Variants in METTL8 observed in about 807,000 individuals in gnomAD.
METTL8 encodes tRNA N(3)-cytidine methyltransferase METTL8, mitochondrial.
In METTL8, 32 loss-of-function variants were observed where a neutral mutation model predicts 48.7. The observed-to-expected ratio is 0.66, with a 90% CI of 0.50 to 0.88. The LOEUF (loss-of-function observed/expected upper bound fraction) is 0.88, where lower values mean the gene tolerates loss of function less well. METTL8 is among the 40% of genes least tolerant of loss of function. METTL8 has a pLI of 0.00. For synonymous variants in METTL8, 136 were observed against 157.1 expected (o/e 0.87, Z 1.01); for missense variants, 464 against 474.4 (o/e 0.98, Z 0.20).
intron 2 of METTL8, among the ~76,000 whole-genome samples, chr2:171,363,817 T>TATATATATATATATGTA (rs1228494441): frequency 2.3e-5 from 3 of 129,006 alleles, no homozygotes; most frequent in Non-Finnish European, 5.0e-5. Context: ...TATATATATC[T>TATATATATATATATGTA]TTTTTTTTTT....
intron 1 of METTL8, among the ~76,000 whole-genome samples, chr2:171,423,319 G>C (rs1692065868): frequency 6.6e-6 from 1 of 152,160 alleles, no homozygotes; most frequent in Non-Finnish European, 1.5e-5. Flanking sequence ...GGGTGCTGCT[G>C]TAAAGATACC....
chr2:171,328,500 G>C (rs1454320625), intron 7 of METTL8, among the ~76,000 whole-genome samples: 1 of 151,986 alleles, frequency 6.6e-6, no homozygotes, highest in Non-Finnish European at 1.5e-5. Flanking sequence ...TATAGACATT[G>C]CCTTGGTTTT....
chr2:171,409,272 T>TA (rs1211896311), intron 1 of METTL8, among the ~76,000 whole-genome samples: 1 of 152,110 alleles, frequency 6.6e-6, no homozygotes, highest in Non-Finnish European at 1.5e-5. Context: ...ACAAAGTTCT[T>TA]ACAAAGAAAA....
At position 171,316,550 on chromosome 2, in the gene METTL8, A is replaced by C. The variant is rs1430017551; in HGVS notation, c.*7622T>G. 1.3e-5 allele frequency among the ~76,000 whole-genome samples: 2 copies of C among 152,236 alleles called. No homozygotes were observed. Among genetic ancestry groups the C allele is most frequent in the Admixed American group, 1.3e-4 (2 of 15,282 alleles). The stretch of plus-strand genomic sequence containing the variant: ...TCCAGAGCCCAGGTGTTCTATTAAG[A>C]AACAAAGCTGCAAATGAAGAGACAT... On this transcript the variant is annotated 3_prime_UTR_variant, in exon 10 of 10. Coordinates refer to ENST00000375258, the MANE Select transcript of METTL8 (RefSeq NM_001321154.2).
intron 2 of METTL8, among the ~76,000 whole-genome samples, chr2:171,363,377 T>C (rs1033647744): frequency 1.3e-5 from 2 of 152,046 alleles, no homozygotes; most frequent in Non-Finnish European, 2.9e-5. Flanking sequence ...CAGCTGACAA[T>C]AAGAATCATA....
At chr2:171,393,785 C>T (rs1197830454) in intron 1 of METTL8, among the ~76,000 whole-genome samples, 2 of 152,066 alleles carry the variant, frequency 1.3e-5, no homozygotes, top group Non-Finnish European at 2.9e-5. Context: ...CACTCTTTAC[C>T]ACCCTACTGA....
chr2:171,409,505 TCTTA>T (rs1231639245), intron 1 of METTL8, among the ~76,000 whole-genome samples: 6 of 152,046 alleles, frequency 3.9e-5, no homozygotes, highest in African/African-American at 1.4e-4. Context: ...AACAATCAAG[TCTTA>T]CTTTCTGCAA....
chr2:171,333,673 T>A, intron 5 of METTL8, among the ~76,000 whole-genome samples: 1 of 152,168 alleles, frequency 6.6e-6, no homozygotes, highest in Middle Eastern at 3.2e-3. Context: ...AATTGTGACT[T>A]GTAATTTGCT....
rs1239872198 is a variant in METTL8, at chr2:171,361,447, A to C, written c.144-934T>G. ...TCACCTGACTGATGAGAAGGGATAA[A>C]TTATACAATTTTCTTGGAAGTGCAT... On this transcript the variant is annotated intron_variant, in intron 2 of 9. Transcript: ENST00000375258. Among the ~76,000 whole-genome samples the C allele has an allele frequency of 3.3e-5, 5 of 152,270 alleles. No homozygotes were observed. In the South Asian group the frequency reaches 1.0e-3, roughly 32 times the overall value.
In METTL8 at chr2:171,392,197, C is replaced by A. The variant is rs1688642424; in HGVS notation, c.-12G>T. On this transcript the variant is annotated splice_region_variant and 5_prime_UTR_variant, in exon 2 of 10. Coordinates refer to ENST00000375258, the MANE Select transcript of METTL8 (RefSeq NM_001321154.2). ...CAAATCATATTCATCCTAAGCAGTA[C>A]CTAAAAAGTTACAAATGATTAATTA... 2.6e-6 allele frequency: 4 copies of A among 1,548,824 alleles called. No individual in the cohort carries two copies. In the East Asian group the frequency reaches 9.8e-5, roughly 38 times the overall value.
At position 171,319,043 on chromosome 2, in the gene METTL8, A is replaced by T. The variant is rs887861556; in HGVS notation, c.*5129T>A. The T allele has an allele frequency of 7.2e-5, 11 of 152,150 alleles. No homozygotes were observed. The East Asian group carries it at 7.7e-4, about 11-fold the overall frequency. 9.4% of individuals were successfully genotyped at this position (152,150 alleles called of 1,614,324 possible). On this transcript the variant is annotated 3_prime_UTR_variant, in exon 10 of 10. Coordinates refer to ENST00000375258, the MANE Select transcript of METTL8 (RefSeq NM_001321154.2). Reference sequence around the variant, plus strand: ...ATTCAGAGCTAAATTAAGAGTAGCTAAGCAGTTCAATAGGAACTAGGACCC... The same window carrying T: ...ATTCAGAGCTAAATTAAGAGTAGCTTAGCAGTTCAATAGGAACTAGGACCC...
intron 1 of METTL8, among the ~76,000 whole-genome samples, chr2:171,417,822 T>C (rs1372713325): frequency 6.6e-6 from 1 of 152,256 alleles, no homozygotes; most frequent in Non-Finnish European, 1.5e-5. Context: ...ATATTTATTA[T>C]AATTAACAAC....
At chr2:171,355,444 CCTCTCAGATCTCAAA>C (rs1432167230) in intron 3 of METTL8, among the ~76,000 whole-genome samples, 1 of 152,158 alleles carries the variant, frequency 6.6e-6, no homozygotes, top group African/African-American at 2.4e-5. Context: ...GCAGTCTGTC[CCTCTCAGATCTCAAA>C]CTCTGTGCTG....
At chr2:171,356,957 T>TTTTTTTGTTTTTTTTG in intron 3 of METTL8, among the ~76,000 whole-genome samples, 1 of 123,026 alleles carries the variant, frequency 8.1e-6, no homozygotes, top group Non-Finnish European at 1.7e-5. Flanking sequence ...ACAATATTTT[T>TTTTTTTGTTTTTTTTG]TTTTTTTTTT....
intron 1 of METTL8, among the ~76,000 whole-genome samples, chr2:171,400,498 T>C (rs1310208555): frequency 6.6e-6 from 1 of 152,132 alleles, no homozygotes; most frequent in East Asian, 1.9e-4. Context: ...CTTAATCAAA[T>C]AGCAAGCAAT....
At chr2:171,367,338 A>T (rs1685831370) in intron 2 of METTL8, among the ~76,000 whole-genome samples, 1 of 152,166 alleles carries the variant, frequency 6.6e-6, no homozygotes, top group South Asian at 2.1e-4. Flanking sequence ...CATCAGAAAC[A>T]ATCATAATGA....
intron 3 of METTL8, among the ~76,000 whole-genome samples, chr2:171,342,682 A>T (rs1686895223): frequency 1.3e-5 from 2 of 152,216 alleles, no homozygotes; most frequent in African/African-American, 4.8e-5. Context: ...AACAAAAAGC[A>T]GCCATCTAAG....
At chr2:171,389,259 C>T (rs1413311086) in intron 2 of METTL8, among the ~76,000 whole-genome samples, 1 of 152,078 alleles carries the variant, frequency 6.6e-6, no homozygotes, top group Non-Finnish European at 1.5e-5. Flanking sequence ...ATGGCTCACA[C>T]CTGTAATCCC....
At chr2:171,363,317 T>C (rs2105479521) in intron 2 of METTL8, among the ~76,000 whole-genome samples, 1 of 152,260 alleles carries the variant, frequency 6.6e-6, no homozygotes, top group Admixed American at 6.5e-5. Context: ...TGCTGCTTTA[T>C]GGCAGTTCTT....
Sources: gnomAD v4.1 joint callset for allele counts (sites outside exome capture counted in the v4.1 genomes callset) on GRCh38, gnomAD v4.1.1 for gene constraint, MANE v1.5 for transcripts, NCBI Gene and HGNC (gene_info 2026-07-23, HGNC 2026-07-21) for gene names.